Variants in CLIP2 observed in about 807,000 individuals in gnomAD.
The protein encoded by CLIP2 is CAP-Gly domain-containing linker protein 2.
A neutral mutation model predicts 111.7 loss-of-function variants in CLIP2; 41 were observed. The ratio of observed to expected loss-of-function variants is 0.37; its 90% CI spans 0.29 to 0.48. The LOEUF (loss-of-function observed/expected upper bound fraction) is 0.48. CLIP2 is among the 20% of genes least tolerant of loss of function. CLIP2 has a pLI of 0.99. For missense variants in CLIP2, 1,160 were observed against 1,422.1 expected, an observed-to-expected ratio of 0.82 and a Z score of 2.96; for synonymous variants, 660 against 644.2, an observed-to-expected ratio of 1.02 and a Z score of -0.37.
rs35306275 is a variant in CLIP2 at position 74,314,179 on chromosome 7, C to CAAAA, written c.-67-3287_-67-3284dup. Among the ~76,000 whole-genome samples the CAAAA allele has an allele frequency of 3.2e-3, 393 of 123,018 alleles. 1 individual carries two copies. The highest frequency in any genetic ancestry group is 7.9e-3 in the South Asian group (29 of 3,662). 80.7% of individuals were successfully genotyped at this position (123,018 alleles called of 152,430 possible). The stretch of plus-strand genomic sequence containing the variant: ...CCTGGGTGTCAAAGTGACTCTGTCT[C>CAAAA]AAAAAAAAAAAAAAAAATTGGGGAA... On this transcript the variant is annotated intron_variant, in intron 1 of 16. Transcript: ENST00000223398.
At chr7:74,316,286 C>T (rs1554729136) in intron 1 of CLIP2, among the ~76,000 whole-genome samples, 1 of 152,100 alleles carries the variant, frequency 6.6e-6, no homozygotes. Flanking sequence ...GCTCTGTCAC[C>T]CAGGCTGGAG....
chr7:74,301,271 A>G (rs921077077), intron 1 of CLIP2, among the ~76,000 whole-genome samples: 1 of 152,182 alleles, frequency 6.6e-6, no homozygotes, highest in Non-Finnish European at 1.5e-5. Context: ...TTCACTTGAG[A>G]TTGTAATTGC....
At chr7:74,293,638 A>C (rs1212054546) in intron 1 of CLIP2, among the ~76,000 whole-genome samples, 1 of 152,180 alleles carries the variant, frequency 6.6e-6, no homozygotes, top group African/African-American at 2.4e-5. Flanking sequence ...TTAGGTGAGG[A>C]CCAGCAAATC....
chr7:74,393,310 G>A, intron 13 of CLIP2, among the ~76,000 whole-genome samples: 1 of 151,634 alleles, frequency 6.6e-6, no homozygotes, highest in East Asian at 1.9e-4. Flanking sequence ...GTACAGGCAT[G>A]AGCCACCGCA....
rs143721647 is a variant in CLIP2 at position 74,360,561 on chromosome 7, A to T, written c.1319+283A>T. ...ACAGAGGGACACCACATTTTTAAAAATTTTTTTGAAACAGGGTCTCACTCT... is the reference window on the plus strand; with the variant it reads ...ACAGAGGGACACCACATTTTTAAAATTTTTTTTGAAACAGGGTCTCACTCT... On this transcript the variant is annotated intron_variant, in intron 7 of 16. Coordinates refer to ENST00000223398, the MANE Select transcript of CLIP2 (RefSeq NM_003388.5). Among the ~76,000 whole-genome samples the T allele has an allele frequency of 5.8e-3, 888 of 152,050 alleles. 7 individuals are homozygous for T. The highest frequency in any genetic ancestry group is 0.02 in the African/African-American group (823 of 41,482).
At chr7:74,316,357 A>C (rs544288107) in intron 1 of CLIP2, among the ~76,000 whole-genome samples, 3 of 150,890 alleles carry the variant, frequency 2.0e-5, no homozygotes, top group Admixed American at 1.3e-4. Context: ...AAATCCTCCC[A>C]CCTTTGCCCC....
intron 8 of CLIP2, among the ~76,000 whole-genome samples, chr7:74,365,350 G>T (rs549153336): frequency 4.7e-4 from 72 of 152,280 alleles, no homozygotes; most frequent in Non-Finnish European, 2.4e-4. Context: ...GGGGACTGGA[G>T]CCAGAAACAG....
rs568722775 is a variant in CLIP2, at chr7:74,375,797, C to T, written c.1486-90C>T. On this transcript the variant is annotated intron_variant, in intron 9 of 16. Coordinates refer to ENST00000223398, the MANE Select transcript of CLIP2 (RefSeq NM_003388.5). ...GCTGGGGCTGGTGCCCTCGAATGGACGCCCCCTACCCGGCCCCCACCATTG... is the reference window on the plus strand; with the variant it reads ...GCTGGGGCTGGTGCCCTCGAATGGATGCCCCCTACCCGGCCCCCACCATTG... 3.2e-4 allele frequency: 352 copies of T among 1,116,314 alleles called. 1 individual carries two copies. The highest frequency in any genetic ancestry group is 1.9e-3 in the African/African-American group (122 of 63,120). 69.2% of individuals were successfully genotyped at this position (1,116,314 alleles called of 1,614,324 possible).
At chr7:74,322,558 A>G (rs573396100) in intron 2 of CLIP2, among the ~76,000 whole-genome samples, 24 of 152,074 alleles carry the variant, frequency 1.6e-4, no homozygotes, top group African/African-American at 5.3e-4. Flanking sequence ...CCTGGGCAAC[A>G]GAGTGAGACT....
At position 74,353,253 on chromosome 7, in the gene CLIP2, C is replaced by CT. The variant is rs199943133; in HGVS notation, c.679-612dup. On this transcript the variant is annotated intron_variant, in intron 3 of 16. Coordinates refer to ENST00000223398, the MANE Select transcript of CLIP2 (RefSeq NM_003388.5). ...ACAGTACTTAATTCTCACGAAAACC[C>CT]TTTTTTTTTTTTTTTGACTCAGAGT... Among the ~76,000 whole-genome samples the CT allele has an allele frequency of 9.5e-3, 1,357 of 142,792 alleles. 8 individuals are homozygous for CT. Among genetic ancestry groups the CT allele is most frequent in the African/African-American group, 0.013 (516 of 39,060 alleles). 93.7% of individuals were successfully genotyped at this position (142,792 alleles called of 152,430 possible). A position where few individuals can be genotyped will look rare whatever the true frequency, so the allele number is the denominator to read the frequency against.
At chr7:74,347,962 T>C (rs1392598365) in intron 3 of CLIP2, among the ~76,000 whole-genome samples, 3 of 151,546 alleles carry the variant, frequency 2.0e-5, no homozygotes, top group Non-Finnish European at 4.4e-5. Flanking sequence ...GGCGGATCAC[T>C]TGAGGTCAGG....
chr7:74,325,417 A>G (rs1554730573), intron 2 of CLIP2, among the ~76,000 whole-genome samples: 2 of 152,120 alleles, frequency 1.3e-5, no homozygotes, highest in African/African-American at 2.4e-5. Context: ...TGGTGCAGAC[A>G]GGGTGGTCAG....
intron 4 of CLIP2, among the ~76,000 whole-genome samples, chr7:74,356,170 G>C (rs1305103178): frequency 6.6e-6 from 1 of 152,168 alleles, no homozygotes; most frequent in Non-Finnish European, 1.5e-5. Flanking sequence ...CTACTTCCAA[G>C]AGTATTCTCA....
In CLIP2 at chr7:74,357,439, G is replaced by A. The variant is rs1554308694; in HGVS notation, c.1177G>A (p.Glu393Lys). Residue 393 changes from glutamate to lysine, a missense_variant, in exon 6 of 17, where the codon GAG (glutamate) becomes AAG (lysine). Physicochemically the swap from Glu to Lys is moderately conservative, Grantham distance 56 (BLOSUM62 1). Coordinates refer to ENST00000223398, the MANE Select transcript of CLIP2 (RefSeq NM_003388.5). Reference sequence around the variant, plus strand: ...GGCCACAAGCCACATCTGCGAGGTGGAGAAGGAGATTGCCCTGCTCAAGGC... The same window carrying A: ...GGCCACAAGCCACATCTGCGAGGTGAAGAAGGAGATTGCCCTGCTCAAGGC... ...AKATSHICEVEKEIALLKAQH... is the reference protein window; with the variant it reads ...AKATSHICEVKKEIALLKAQH... The A allele has an allele frequency of 6.2e-7, 1 of 1,613,946 alleles. No homozygotes were observed. The highest frequency in any genetic ancestry group is 1.7e-5 in the Admixed American group (1 of 59,984).
chr7:74,392,918 C>T (rs1187648466), intron 13 of CLIP2, among the ~76,000 whole-genome samples: 2 of 152,208 alleles, frequency 1.3e-5, no homozygotes, highest in African/African-American at 4.8e-5. Flanking sequence ...CCCATCATAG[C>T]TGGGGAGCCC....
chr7:74,309,077 C>T (rs1287031644), intron 1 of CLIP2, among the ~76,000 whole-genome samples: 3 of 152,008 alleles, frequency 2.0e-5, no homozygotes, highest in East Asian at 2.0e-4. Flanking sequence ...CCATGTTGCC[C>T]AGGCTGGTCT....
At chr7:74,397,308 A>G (rs1791484038) in intron 14 of CLIP2, 75 bp downstream of exon 14, 3 of 1,484,214 alleles carry the variant, frequency 2.0e-6, no homozygotes, top group Admixed American at 1.8e-5. Context: ...CTGTCAGGCC[A>G]TGGAGACTGG....
Position 74,403,717 on chromosome 7 carries a change from G to C in CLIP2, c.3130-120G>C, listed in dbSNP as rs151186187. The C allele has an allele frequency of 5.7e-4, 578 of 1,010,316 alleles. 1 individual carries two copies. The African/African-American group carries it at 8.0e-3, about 14-fold the overall frequency. The allele number at this position is 1,010,316 out of a possible 1,614,324, so 62.6% of individuals were successfully genotyped here. On this transcript the variant is annotated intron_variant, in intron 16 of 16. Transcript: ENST00000223398. ...CTGCCTCAGGGCCTTGGCACATGCA[G>C]TTCGCTCTATGCTCCTCCCCCACCC...
chr7:74,397,267 CA>C, intron 14 of CLIP2, 34 bp downstream of exon 14: 1 of 1,601,492 alleles, frequency 6.2e-7, no homozygotes, highest in Non-Finnish European at 8.5e-7. Context: ...GGGGCAGGGG[CA>C]CTAGTCCGGG....
Sources: allele counts gnomAD v4.1 joint callset (sites outside exome capture counted in the v4.1 genomes callset), GRCh38; gene constraint gnomAD v4.1.1; transcripts MANE v1.5; gene names NCBI Gene and HGNC (gene_info 2026-07-23, HGNC 2026-07-21).